Variants in MAP4K5 observed in about 807,000 individuals in gnomAD.
MAP4K5 encodes mitogen-activated protein kinase kinase kinase kinase 5.
A neutral mutation model predicts 135.6 loss-of-function variants in MAP4K5; 82 were observed. The ratio of observed to expected loss-of-function variants is 0.60; its 90% CI spans 0.51 to 0.73. MAP4K5 has a LOEUF of 0.73. MAP4K5 is among the 30% of genes least tolerant of loss of function. The pLI is 0.00. For missense variants in MAP4K5, 907 were observed against 1,010.9 expected, an observed-to-expected ratio of 0.90 and a Z score of 1.39; for synonymous variants, 347 against 335.0, an observed-to-expected ratio of 1.04 and a Z score of -0.39.
chr14:50,428,717 T>C lies in MAP4K5; in HGVS notation c.2271A>G (p.Lys757=), dbSNP rs1470586627. The C allele has an allele frequency of 1.3e-6, 2 of 1,518,642 alleles. No homozygotes were observed. The highest frequency in any genetic ancestry group is 1.8e-6 in the Non-Finnish European group (2 of 1,135,500). 94.1% of individuals were successfully genotyped at this position (1,518,642 alleles called of 1,614,324 possible). A position where few individuals can be genotyped will look rare whatever the true frequency, so the allele number is the denominator to read the frequency against. ...ACTCAGAGGCCAGTTTCTTACTTGA[T>C]TTTAATTTTCCTTGTAGATTTACAA... ...VKIVNLQGKL[K]SSKKLASELS... The change falls in exon 30 of 33, where the codon AAA becomes AAG. Residue 757 remains lysine (K), a synonymous_variant. Coordinates refer to ENST00000682126, the MANE Select transcript of MAP4K5 (RefSeq NM_006575.6).
At chr14:50,543,208 C>T (rs1261494730) in intron 1 of MAP4K5, among the ~76,000 whole-genome samples, 1 of 152,236 alleles carries the variant, frequency 6.6e-6, no homozygotes, top group African/African-American at 2.4e-5. Context: ...TAGACTTCTA[C>T]TTGCCAAGGA....
chr14:50,434,859 A>G, intron 27 of MAP4K5, 103 bp downstream of exon 27: 1 of 688,278 alleles, frequency 1.5e-6, no homozygotes. Context: ...AATAACTATA[A>G]ATGTTCTGAC....
chr14:50,487,246 C>T (rs1377668363), intron 3 of MAP4K5, among the ~76,000 whole-genome samples: 2 of 152,082 alleles, frequency 1.3e-5, no homozygotes, highest in African/African-American at 4.8e-5. Context: ...AGGCGGAGGT[C>T]GCAGTGAGCT....
At chr14:50,540,143 C>A (rs1218723224) in intron 2 of MAP4K5, among the ~76,000 whole-genome samples, 1 of 152,146 alleles carries the variant, frequency 6.6e-6, no homozygotes, top group East Asian at 1.9e-4. Context: ...TCAGGTGGCT[C>A]AACTGTCAAA....
At chr14:50,510,039 T>C (rs950417175) in intron 2 of MAP4K5, among the ~76,000 whole-genome samples, 1 of 152,200 alleles carries the variant, frequency 6.6e-6, no homozygotes, top group Non-Finnish European at 1.5e-5. Context: ...CAATGACTGA[T>C]GCTAACACAT....
intron 25 of MAP4K5, 64 bp downstream of exon 25, chr14:50,437,830 C>A: frequency 9.6e-7 from 1 of 1,036,578 alleles, no homozygotes; most frequent in East Asian, 2.4e-5. Context: ...GCAAGAAATA[C>A]GGGCTATTTT....
chr14:50,498,695 T>C (rs1244533880), intron 3 of MAP4K5, among the ~76,000 whole-genome samples: 1 of 152,248 alleles, frequency 6.6e-6, no homozygotes, highest in East Asian at 1.9e-4. Context: ...TATCCTATTT[T>C]TCACCATGGA....
chr14:50,469,584 C>G (rs1023253660), intron 9 of MAP4K5, among the ~76,000 whole-genome samples: 3 of 152,008 alleles, frequency 2.0e-5, no homozygotes, highest in African/African-American at 7.2e-5. Flanking sequence ...ATCAGTCAGG[C>G]AGATATGTTA....
Position 50,538,898 on chromosome 14 carries a change from C to T in MAP4K5, c.-94+3601G>A, listed in dbSNP as rs74050946. Among the ~76,000 whole-genome samples the T allele has an allele frequency of 5.4e-3, 815 of 152,320 alleles. 10 individuals carry two copies. The highest frequency in any genetic ancestry group is 0.018 in the African/African-American group (762 of 41,560). On this transcript the variant is annotated intron_variant, in intron 2 of 8. Coordinates refer to the MAP4K5 transcript ENST00000555216. ...TAACAAGTGCTATCATACTGTACCA[C>T]AGCCTCAAACTCCTGGCCTCAAGCA...
In MAP4K5 at chr14:50,440,424, C is replaced by CA; in HGVS notation, c.1581dup (p.Gly528TrpfsTer3). On this transcript the variant is annotated frameshift_variant, in exon 22 of 33. Coordinates refer to ENST00000682126, the MANE Select transcript of MAP4K5 (RefSeq NM_006575.6). LOFTEE classifies it high-confidence loss of function. ...AGTGTGTAAATACCATCTTCAGTTC[C>CA]AAAAATAATGTACTGATCTAAAATA... is the stretch of plus-strand genomic sequence containing the variant. 1 of 1,584,378 alleles carries CA rather than the reference C, an allele frequency of 6.3e-7. No homozygotes were observed. Among genetic ancestry groups the CA allele is most frequent in the Non-Finnish European group, 8.6e-7 (1 of 1,158,572 alleles).
chr14:50,435,405 T>C (rs2036068463), intron 26 of MAP4K5, among the ~76,000 whole-genome samples: 1 of 152,136 alleles, frequency 6.6e-6, no homozygotes. Context: ...TGCTCTGTCA[T>C]TCAGGCTAGA....
In MAP4K5 at chr14:50,531,935, C is replaced by T; in HGVS notation, c.108+7G>A. ...CGCAGGAAAAAAGCACGGCCAGCCT[C>T]ACTTACCTTATAGACGTCCCCGTAG... is the stretch of plus-strand genomic sequence containing the variant. On this transcript the variant is annotated splice_region_variant and intron_variant, in intron 2 of 32. Coordinates refer to ENST00000682126, the MANE Select transcript of MAP4K5 (RefSeq NM_006575.6). The T allele has an allele frequency of 6.3e-7, 1 of 1,580,996 alleles. No individual in the cohort carries two copies. The highest frequency in any genetic ancestry group is 1.1e-5 in the South Asian group (1 of 87,070).
At chr14:50,560,411 C>T in intron 1 of MAP4K5, 1 of 1,395,778 alleles carries the variant, frequency 7.2e-7, no homozygotes, top group South Asian at 1.2e-5. Context: ...GCGTCCACGG[C>T]TGGGAGACGG....
intron 1 of MAP4K5, chr14:50,560,381 C>T (rs1010313327): frequency 1.3e-6 from 2 of 1,538,898 alleles, no homozygotes; most frequent in African/African-American, 2.7e-5. Flanking sequence ...ACAGGGAGGG[C>T]CAAGGGCTGC....
chr14:50,436,561 C>A (rs550656250), intron 26 of MAP4K5, among the ~76,000 whole-genome samples: 1 of 147,976 alleles, frequency 6.8e-6, no homozygotes, highest in East Asian at 2.0e-4. Context: ...GCCAGAAATA[C>A]AAAAAATGTG....
chr14:50,538,032 AATGGT>A (rs2140141946), intron 2 of MAP4K5, among the ~76,000 whole-genome samples: 1 of 152,302 alleles, frequency 6.6e-6, no homozygotes, highest in Admixed American at 6.5e-5. Flanking sequence ...CCGGGGGCAG[AATGGT>A]ATGGTTTGGC....
chr14:50,499,477 G>A (rs1460101002), intron 3 of MAP4K5, among the ~76,000 whole-genome samples: 3 of 152,084 alleles, frequency 2.0e-5, no homozygotes, highest in Non-Finnish European at 4.4e-5. Context: ...GGACAACATG[G>A]CGAAACTCTG....
intron 2 of MAP4K5, among the ~76,000 whole-genome samples, chr14:50,529,214 C>G (rs2038332493): frequency 6.6e-6 from 1 of 151,290 alleles, no homozygotes; most frequent in Admixed American, 6.6e-5. Context: ...AAGACCTCCT[C>G]TCTACTAAAA....
Position 50,420,274 on chromosome 14 carries a change from A to G in MAP4K5, c.2454-168T>C, listed in dbSNP as rs762248021. Among the ~76,000 whole-genome samples the G allele has an allele frequency of 2.6e-5, 4 of 152,206 alleles. No homozygotes were observed. The South Asian group carries it at 6.2e-4, about 24-fold the overall frequency. The stretch of plus-strand genomic sequence containing the variant: ...TTACATTTTACAGCTTTAAAACACA[A>G]TAAGAATTGATGAATATAAAATATT... On this transcript the variant is annotated intron_variant, in intron 32 of 32. Coordinates refer to ENST00000682126, the MANE Select transcript of MAP4K5 (RefSeq NM_006575.6).
Sources: allele counts gnomAD v4.1 joint callset (sites outside exome capture counted in the v4.1 genomes callset), GRCh38; gene constraint gnomAD v4.1.1; transcripts MANE v1.5; gene names NCBI Gene and HGNC (gene_info 2026-07-23, HGNC 2026-07-21).